Variants in ARHGAP44 observed in about 807,000 individuals in gnomAD.
ARHGAP44 encodes Rho GTPase activating protein 44, also known as rho GTPase-activating protein 44.
ARHGAP44 carries 43 observed loss-of-function variants against 106.8 expected under a neutral mutation model. The observed-to-expected ratio is 0.40, with a 90% CI of 0.32 to 0.52. The LOEUF (loss-of-function observed/expected upper bound fraction) is 0.52, where lower values mean the gene tolerates loss of function less well. Among genes scored for constraint, ARHGAP44 ranks in the 20% least tolerant of loss-of-function variants. The probability of loss-of-function intolerance (pLI) is 0.48; values close to 1 mark genes in which losing one functional copy is unlikely to be tolerated. For missense variants in ARHGAP44, 866 were observed against 1,050.5 expected (o/e 0.82, Z 2.43); for synonymous variants, 439 against 410.3 (o/e 1.07, Z -0.85).
intron 1 of ARHGAP44, among the ~76,000 whole-genome samples, chr17:12,891,511 A>G (rs1210617637): frequency 6.6e-6 from 1 of 152,126 alleles, no homozygotes; most frequent in Non-Finnish European, 1.5e-5. Context: ...ATGATAATGA[A>G]CACACTCCCA....
intron 3 of ARHGAP44, among the ~76,000 whole-genome samples, chr17:12,897,076 C>CTTGGCATG (rs2037227466): frequency 6.6e-6 from 1 of 152,170 alleles, no homozygotes; most frequent in Non-Finnish European, 1.5e-5. Context: ...GATTCCATTT[C>CTTGGCATG]AACAGTTCTT....
At position 12,989,786 on chromosome 17, in the gene ARHGAP44, C is replaced by G. The variant is rs73296519; in HGVS notation, c.2318-246C>G. On this transcript the variant is annotated intron_variant, in intron 20 of 20. Coordinates refer to ENST00000379672, the MANE Select transcript of ARHGAP44 (RefSeq NM_014859.6). The stretch of plus-strand genomic sequence containing the variant: ...GCTTGGCAGGGGAGTGCTGTTCTGG[C>G]CTTCCTCTGAACCACAGTGGCGTAT... Among the ~76,000 whole-genome samples the G allele has an allele frequency of 5.3e-3, 811 of 152,276 alleles. 6 individuals carry two copies. The highest frequency in any genetic ancestry group is 0.018 in the African/African-American group (757 of 41,558).
rs543459614 is a variant in ARHGAP44 at position 12,807,215 on chromosome 17, G to T, written c.53+17324G>T. ...AAGCATTGAATCGGAGCAGTGCTGA[G>T]CAGAGAGGAGGGCTGAGGAATAGTT... is the stretch of plus-strand genomic sequence containing the variant. On this transcript the variant is annotated intron_variant, in intron 1 of 20. Transcript: ENST00000379672. Among the ~76,000 whole-genome samples, 4 of 152,342 alleles carry T rather than the reference G, an allele frequency of 2.6e-5. No homozygotes were observed. In the East Asian group the frequency reaches 5.8e-4, roughly 22 times the overall value.
At chr17:12,802,946 TATATATATATATATA>T (rs1187537567) in intron 1 of ARHGAP44, among the ~76,000 whole-genome samples, 283 of 20,300 alleles carry the variant, frequency 0.014, 12 homozygotes, top group South Asian at 0.032. Flanking sequence ...TATATATATA[TATATATATATATATA>T]TATATATATT....
rs75618648 is a variant in ARHGAP44 at position 12,870,441 on chromosome 17, C to G, written c.54-24499C>G. Among the ~76,000 whole-genome samples, 407 of 152,278 alleles carry G rather than the reference C, an allele frequency of 2.7e-3. 9 individuals are homozygous for G. The South Asian group carries it at 0.044, about 16-fold the overall frequency. On this transcript the variant is annotated intron_variant, in intron 1 of 20. Coordinates refer to ENST00000379672, the MANE Select transcript of ARHGAP44 (RefSeq NM_014859.6). Reference sequence around the variant, plus strand: ...AGAAAGGTTGTATCAGGTAGTACTTCCAGCAGCAGTGGATGAGCATCCCTA... The same window carrying G: ...AGAAAGGTTGTATCAGGTAGTACTTGCAGCAGCAGTGGATGAGCATCCCTA...
chr17:12,922,883 G>T (rs1457922544), intron 6 of ARHGAP44, among the ~76,000 whole-genome samples: 1 of 152,154 alleles, frequency 6.6e-6, no homozygotes, highest in Non-Finnish European at 1.5e-5. Flanking sequence ...ACACCAAGTA[G>T]TCTGTAGGTT....
At chr17:12,983,531 G>A (rs922881562) in intron 19 of ARHGAP44, among the ~76,000 whole-genome samples, 6 of 152,274 alleles carry the variant, frequency 3.9e-5, no homozygotes, top group South Asian at 2.1e-4. Flanking sequence ...TTGGCCGGGC[G>A]TGGTGGCTTA....
rs2040116483 is a variant in ARHGAP44, at chr17:12,990,870, CAA to C, written c.*701_*702del. 1 of 151,892 alleles carries C rather than the reference CAA, an allele frequency of 6.6e-6. No homozygotes were observed. The highest frequency in any genetic ancestry group is 2.4e-5 in the African/African-American group (1 of 41,156). 9.4% of individuals were successfully genotyped at this position (151,892 alleles called of 1,614,324 possible). A position where few individuals can be genotyped will look rare whatever the true frequency, so the allele number is the denominator to read the frequency against. ...ATATTTCTGAATCTATAAAACAAAACAAACAAGCCTGACAGTGTCTGGAGGAG... is the reference window on the plus strand; with the variant it reads ...ATATTTCTGAATCTATAAAACAAAACACAAGCCTGACAGTGTCTGGAGGAG... On this transcript the variant is annotated 3_prime_UTR_variant, in exon 21 of 21. Transcript: ENST00000379672.
intron 3 of ARHGAP44, among the ~76,000 whole-genome samples, chr17:12,900,913 C>CTTTTT: frequency 9.7e-6 from 1 of 103,614 alleles, no homozygotes; most frequent in Admixed American, 1.2e-4. Context: ...GAAAGTTTGG[C>CTTTTT]TTTTTTTTTT....
At chr17:12,887,880 T>TA (rs2036927774) in intron 1 of ARHGAP44, among the ~76,000 whole-genome samples, 1 of 151,426 alleles carries the variant, frequency 6.6e-6, no homozygotes, top group African/African-American at 2.4e-5. Flanking sequence ...TTTTTTTTTT[T>TA]AGGAATTTGT....
Position 12,813,449 on chromosome 17 carries a change from G to C in ARHGAP44, c.53+23558G>C, listed in dbSNP as rs2034497958. Among the ~76,000 whole-genome samples, 3 of 152,146 alleles carry C rather than the reference G, an allele frequency of 2.0e-5. 1 individual carries two copies. In the South Asian group the frequency reaches 6.2e-4, roughly 32 times the overall value. On this transcript the variant is annotated intron_variant, in intron 1 of 20. Coordinates refer to ENST00000379672, the MANE Select transcript of ARHGAP44 (RefSeq NM_014859.6). The stretch of plus-strand genomic sequence containing the variant: ...ACATGAAAAGTTAAAACCACTAACA[G>C]TGTTTGTTATATGTAATGTAGGGTG...
chr17:12,965,101 C>T (rs17638238), intron 16 of ARHGAP44, among the ~76,000 whole-genome samples: 15,293 of 152,208 alleles, frequency 0.1, 896 homozygotes, highest in South Asian at 0.2. Context: ...CTGAAACCCA[C>T]GGATGTCAAG....
rs187651405 is a variant in ARHGAP44 at position 12,811,261 on chromosome 17, C to T, written c.53+21370C>T. On this transcript the variant is annotated intron_variant, in intron 1 of 20. Transcript: ENST00000379672. ...CTGGGAGGCGGAGCTTGCAGTGAGC[C>T]GAGATCGCACCACTGCACTCCAGCC... 1.5e-4 allele frequency among the ~76,000 whole-genome samples: 22 copies of T among 148,694 alleles called. No individual in the cohort carries two copies. In the East Asian group the frequency reaches 4.0e-3, roughly 27 times the overall value.
intron 1 of ARHGAP44, among the ~76,000 whole-genome samples, chr17:12,799,447 G>A (rs909556470): frequency 6.6e-6 from 1 of 152,196 alleles, no homozygotes; most frequent in South Asian, 2.1e-4. Flanking sequence ...GTGGTTTTCA[G>A]TCAGTGCTAA....
At chr17:12,858,862 G>C (rs1296382152) in intron 1 of ARHGAP44, among the ~76,000 whole-genome samples, 1 of 152,196 alleles carries the variant, frequency 6.6e-6, no homozygotes, top group Admixed American at 6.5e-5. Context: ...CATGGTGGAA[G>C]GTGAAAGGCA....
chr17:12,930,764 G>A (rs190741603), intron 7 of ARHGAP44, among the ~76,000 whole-genome samples: 53 of 152,146 alleles, frequency 3.5e-4, no homozygotes, highest in Admixed American at 1.6e-3. Context: ...TCAAAGATTC[G>A]TAGTACATGT....
At chr17:12,962,332 C>T (rs1466790470) in intron 16 of ARHGAP44, among the ~76,000 whole-genome samples, 2 of 152,094 alleles carry the variant, frequency 1.3e-5, no homozygotes, top group Non-Finnish European at 2.9e-5. Flanking sequence ...GTTTCTTTAG[C>T]AGGGCTTGGT....
At chr17:12,864,805 A>G (rs1356854659) in intron 1 of ARHGAP44, among the ~76,000 whole-genome samples, 2 of 152,244 alleles carry the variant, frequency 1.3e-5, no homozygotes, top group African/African-American at 2.4e-5. Context: ...AACTAAAAGC[A>G]TTGTTTCCAC....
At chr17:12,855,046 G>A (rs945875755) in intron 1 of ARHGAP44, among the ~76,000 whole-genome samples, 5 of 151,892 alleles carry the variant, frequency 3.3e-5, no homozygotes, top group Non-Finnish European at 7.4e-5. Flanking sequence ...GAAAGGACAG[G>A]AAGGGGAGGC....
Sources: gnomAD v4.1 joint callset for allele counts (sites outside exome capture counted in the v4.1 genomes callset) on GRCh38, gnomAD v4.1.1 for gene constraint, MANE v1.5 for transcripts, NCBI Gene and HGNC (gene_info 2026-07-23, HGNC 2026-07-21) for gene names.